Variants in PCDHA6 observed in about 807,000 individuals in gnomAD.
PCDHA6 encodes the protein protocadherin alpha 6, also known as protocadherin alpha-6.
PCDHA6 carries 55 observed loss-of-function variants against 60.3 expected under a neutral mutation model. The observed-to-expected ratio is 0.91, with a 90% CI of 0.73 to 1.14. The LOEUF (loss-of-function observed/expected upper bound fraction) is 1.14. PCDHA6 is among the 50% of genes most tolerant of loss of function. The probability of loss-of-function intolerance (pLI) is 0.00; values close to 1 mark genes in which losing one functional copy is unlikely to be tolerated. For synonymous variants in PCDHA6, 652 were observed against 557.9 expected, an observed-to-expected ratio of 1.17 and a Z score of -2.38; for missense variants, 1,327 against 1,256.5, an observed-to-expected ratio of 1.06 and a Z score of -0.85.
At chr5:140,971,510 A>G (rs1166115283) in intron 1 of PCDHA6, among the ~76,000 whole-genome samples, 3 of 152,152 alleles carry the variant, frequency 2.0e-5, no homozygotes, top group Non-Finnish European at 2.9e-5. Flanking sequence ...TAGGAGCAAA[A>G]GCCACTCAGT....
chr5:140,983,629 T>C (rs2097059537), intron 3 of PCDHA6, among the ~76,000 whole-genome samples: 1 of 152,228 alleles, frequency 6.6e-6, no homozygotes, highest in African/African-American at 2.4e-5. Flanking sequence ...TTAAGAAATG[T>C]ACCCAAGTTC....
At chr5:140,931,008 A>G (rs1554208204) in intron 1 of PCDHA6, among the ~76,000 whole-genome samples, 2 of 152,224 alleles carry the variant, frequency 1.3e-5, no homozygotes, top group African/African-American at 2.4e-5. Flanking sequence ...ATAACATAAC[A>G]GAGGAATTTT....
chr5:140,938,092 A>G (rs1255638035), intron 1 of PCDHA6, among the ~76,000 whole-genome samples: 4 of 152,034 alleles, frequency 2.6e-5, no homozygotes, highest in African/African-American at 9.7e-5. Context: ...TAGTTTTATT[A>G]TTGTATTTTT....
At chr5:140,989,319 A>G (rs1291622013) in intron 3 of PCDHA6, among the ~76,000 whole-genome samples, 1 of 152,138 alleles carries the variant, frequency 6.6e-6, no homozygotes, top group Admixed American at 6.5e-5. Context: ...GGGTCTCACC[A>G]ACTTTGCCAC....
chr5:140,927,169 T>A, intron 1 of PCDHA6: 1 of 1,614,172 alleles, frequency 6.2e-7, no homozygotes, highest in Non-Finnish European at 8.5e-7. Context: ...CAAAGCTGCC[T>A]GCGTCTTGAC....
In PCDHA6 at chr5:140,848,613, G is replaced by A. The variant is rs147099629; in HGVS notation, c.2394+18128G>A. On this transcript the variant is annotated intron_variant, in intron 1 of 3. Coordinates refer to ENST00000529310, the MANE Select transcript of PCDHA6 (RefSeq NM_018909.4). ...CCACTACTCCGTCCCGGAGGAAGCC[G>A]AACACGGCACCTTCGTGGGCCGCAT... 4,268 of 1,587,382 alleles carry A rather than the reference G, an allele frequency of 2.7e-3. 465 individuals carry two copies. The highest frequency in any genetic ancestry group is 9.6e-3 in the Middle Eastern group (55 of 5,726).
intron 1 of PCDHA6, among the ~76,000 whole-genome samples, chr5:140,901,937 A>G (rs2068997026): frequency 6.7e-6 from 1 of 148,692 alleles, no homozygotes; most frequent in South Asian, 2.1e-4. Context: ...ATTCCTAGGT[A>G]TATTTAGTTT....
rs1435019296 is a variant in PCDHA6 at position 140,830,250 on chromosome 5, C to A, written c.2159C>A (p.Ala720Glu). 1.9e-6 allele frequency: 3 copies of A among 1,613,904 alleles called. No individual in the cohort carries two copies. The highest frequency in any genetic ancestry group is 8.5e-7 in the Non-Finnish European group (1 of 1,179,884). Reference protein sequence around the residue: ...LLVLTLLLYTALRCSAPPTEG... With the variant: ...LLVLTLLLYTELRCSAPPTEG... ...GTCCTCACGCTACTGCTGTACACAG[C>A]GCTGCGGTGCTCGGCGCCACCCACC... The change falls in exon 1 of 4, where the codon GCG becomes GAG. Residue 720 changes from alanine to glutamate, a missense_variant. Physicochemically the swap from Ala to Glu is moderately radical, Grantham distance 107 (BLOSUM62 -1). Coordinates refer to ENST00000529310, the MANE Select transcript of PCDHA6 (RefSeq NM_018909.4).
rs2150279468 is a variant in PCDHA6, at chr5:140,851,877, A to C, written c.2394+21392A>C. On this transcript the variant is annotated intron_variant, in intron 1 of 3. Coordinates refer to ENST00000529310, the MANE Select transcript of PCDHA6 (RefSeq NM_018909.4). Reference sequence around the variant, plus strand: ...CAGCTCATACATAACACAAGGCAGAAATCTGGATATGAGATTTGCCTCTTT... The same window carrying C: ...CAGCTCATACATAACACAAGGCAGACATCTGGATATGAGATTTGCCTCTTT... 2.0e-6 allele frequency: 2 copies of C among 977,786 alleles called. 1 individual carries two copies. The highest frequency in any genetic ancestry group is 3.5e-5 in the African/African-American group (2 of 56,674). The allele number at this position is 977,786 out of a possible 1,614,324, so 60.6% of individuals were successfully genotyped here.
chr5:140,836,639 G>T, intron 1 of PCDHA6: 1 of 1,613,412 alleles, frequency 6.2e-7, no homozygotes, highest in Middle Eastern at 1.6e-4. Context: ...CATTCTCCCA[G>T]CAGAGGCGGC....
intron 1 of PCDHA6, chr5:140,834,370 G>A: frequency 6.4e-7 from 1 of 1,557,934 alleles, no homozygotes; most frequent in East Asian, 2.3e-5. Context: ...AGAAAAACAA[G>A]CCAATAATTT....
chr5:140,963,348 T>C (rs1415746589), intron 1 of PCDHA6, among the ~76,000 whole-genome samples: 7 of 152,234 alleles, frequency 4.6e-5, no homozygotes, highest in Admixed American at 4.6e-4. Context: ...GTAAATTTAG[T>C]TCTTTTCAAA....
rs112947494 is a variant in PCDHA6, at chr5:140,841,828, C to T, written c.2394+11343C>T. The T allele has an allele frequency of 2.2e-3, 3,483 of 1,613,892 alleles. 96 individuals are homozygous for T. In the African/African-American group the frequency reaches 0.04, roughly 19 times the overall value. ...ATGTTGGAGCTAACTCCGTGTTAAC[C>T]TACAGGCTTAGCTCTCATGATTACT... On this transcript the variant is annotated intron_variant, in intron 1 of 3. Transcript: ENST00000529310.
chr5:140,864,887 G>T (rs2048644726), intron 1 of PCDHA6: 1 of 152,148 alleles, frequency 6.6e-6, no homozygotes, highest in African/African-American at 2.4e-5. Flanking sequence ...TGTTCATTAA[G>T]CTGCATGGTC....
At chr5:140,843,618 A>C in intron 1 of PCDHA6, 1 of 1,596,148 alleles carries the variant, frequency 6.3e-7, no homozygotes, top group South Asian at 1.1e-5. Context: ...GGGCCACCGA[A>C]GACGGACCTC....
intron 1 of PCDHA6, among the ~76,000 whole-genome samples, chr5:140,881,757 A>T (rs1238055344): frequency 6.6e-6 from 1 of 152,166 alleles, no homozygotes; most frequent in African/African-American, 2.4e-5. Flanking sequence ...TACCACAAAA[A>T]CCTACATGAC....
intron 3 of PCDHA6, among the ~76,000 whole-genome samples, chr5:141,008,123 G>A (rs1437358425): frequency 6.6e-6 from 1 of 152,144 alleles, no homozygotes; most frequent in East Asian, 1.9e-4. Context: ...GTTTCAAGAA[G>A]GGGATGACAA....
intron 3 of PCDHA6, among the ~76,000 whole-genome samples, chr5:140,994,479 G>A (rs1229761223): frequency 1.3e-5 from 2 of 152,094 alleles, no homozygotes; most frequent in African/African-American, 4.8e-5. Context: ...GAGGCGGGTG[G>A]ATTGCCTGAA....
At chr5:140,847,461 C>T (rs1781028892) in intron 1 of PCDHA6, 1 of 149,664 alleles carries the variant, frequency 6.7e-6, no homozygotes, top group South Asian at 2.1e-4. Context: ...TTTAATTAAT[C>T]GACTTGGACG....
Sources: gnomAD v4.1 joint callset for allele counts (sites outside exome capture counted in the v4.1 genomes callset) on GRCh38, gnomAD v4.1.1 for gene constraint, MANE v1.5 for transcripts, NCBI Gene and HGNC (gene_info 2026-07-23, HGNC 2026-07-21) for gene names.